Variants in GANC observed in about 807,000 individuals in gnomAD.
GANC encodes glucosidase alpha, neutral C.
A neutral mutation model predicts 124.2 loss-of-function variants in GANC; 117 were observed. The observed-to-expected ratio is 0.94, with a 90% CI of 0.81 to 1.10. The LOEUF (loss-of-function observed/expected upper bound fraction) is 1.10. Among genes scored for constraint, GANC ranks in the 50% least tolerant of loss-of-function variants. The pLI is 0.00. For synonymous variants in GANC, 377 were observed against 376.8 expected (o/e 1.00, Z -0.01); for missense variants, 1,140 against 1,095.0 (o/e 1.04, Z -0.58).
intron 15 of GANC, among the ~76,000 whole-genome samples, chr15:42,334,444 G>A (rs766711607): frequency 3.3e-5 from 5 of 152,142 alleles, no homozygotes; most frequent in Non-Finnish European, 5.9e-5. Context: ...TTACAGGCGT[G>A]AGCCACTGCA....
chr15:42,280,207 C>T (rs1307311043), intron 3 of GANC, among the ~76,000 whole-genome samples: 1 of 152,122 alleles, frequency 6.6e-6, no homozygotes, highest in African/African-American at 2.4e-5. Context: ...AAATCTAGTA[C>T]TGATTCTTAC....
At chr15:42,311,584 G>A (rs1436858773) in intron 10 of GANC, among the ~76,000 whole-genome samples, 3 of 152,128 alleles carry the variant, frequency 2.0e-5, no homozygotes, top group Non-Finnish European at 4.4e-5. Flanking sequence ...GGAGGCCTCA[G>A]GAAACTTAAC....
rs1053002216 is a variant in GANC at position 42,352,773 on chromosome 15, TG to T, written c.*635del. On this transcript the variant is annotated 3_prime_UTR_variant, in exon 24 of 24. Transcript: ENST00000318010. ...ATCTTAAAATCCATGTCTTTTACAT[TG>T]TTTTTTTAATTAAGTGCTGTTTACT... 5.2e-6 allele frequency: 5 copies of T among 964,844 alleles called. No homozygotes were observed. The highest frequency in any genetic ancestry group is 4.8e-5 in the South Asian group (1 of 20,836). 59.8% of individuals were successfully genotyped at this position (964,844 alleles called of 1,614,324 possible).
chr15:42,280,826 TTGCGGTGGACACCCACATA>T, intron 3 of GANC: 1 of 640,782 alleles, frequency 1.6e-6, no homozygotes, highest in South Asian at 1.8e-5. Context: ...TGATACCAGT[TTGCGGTGGACACCCACATA>T]TGCCATTTCA....
chr15:42,348,128 G>A lies in GANC; in HGVS notation c.2330G>A (p.Ser777Asn), dbSNP rs759777973. 5.9e-5 allele frequency: 95 copies of A among 1,611,860 alleles called. No homozygotes were observed. The South Asian group carries it at 1.0e-3, about 17-fold the overall frequency. The change falls in exon 21 of 24, where the codon AGT (serine) becomes AAT (asparagine). Residue 777 changes from serine (S) to asparagine (N), a missense_variant. Transcript: ENST00000318010. ...DTIPVFQRGGSVIPIKTTVGK... is the reference protein window; with the variant it reads ...DTIPVFQRGGNVIPIKTTVGK... ...ATTCCAGTGTTTCAGCGAGGTGGAA[G>A]TGTGATACCAATAAAGACAACTGTA...
chr15:42,277,343 C>A (rs147218627), intron 2 of GANC, among the ~76,000 whole-genome samples: 1,638 of 152,082 alleles, frequency 0.011, 31 homozygotes, highest in African/African-American at 0.038. Context: ...CCAGCCTGAC[C>A]AACATGCAGA....
Position 42,273,698 on chromosome 15 carries a change from G to A in GANC, c.-784G>A, listed in dbSNP as rs1472551391. 2 of 386,552 alleles carry A rather than the reference G, an allele frequency of 5.2e-6. No homozygotes were observed. Among genetic ancestry groups the A allele is most frequent in the Admixed American group, 3.7e-5 (1 of 27,148 alleles). The allele number at this position is 386,552 out of a possible 1,614,324, so 23.9% of individuals were successfully genotyped here. A position where few individuals can be genotyped will look rare whatever the true frequency, so the allele number is the denominator to read the frequency against. ...CCGTTAAAGGTTTTAGGACCAGGCAGGCACCCCGTGCAGGATTTGGCTCTC... is the reference window on the plus strand; with the variant it reads ...CCGTTAAAGGTTTTAGGACCAGGCAAGCACCCCGTGCAGGATTTGGCTCTC... On this transcript the variant is annotated 5_prime_UTR_variant, in exon 1 of 24. Coordinates refer to ENST00000318010, the MANE Select transcript of GANC (RefSeq NM_198141.3).
rs754655942 is a variant in GANC, at chr15:42,340,643, A to G, written c.2088-47A>G. 13 of 1,378,860 alleles carry G rather than the reference A, an allele frequency of 9.4e-6. No homozygotes were observed. The South Asian group carries it at 1.5e-4, about 16-fold the overall frequency. 85.4% of individuals were successfully genotyped at this position (1,378,860 alleles called of 1,614,324 possible). On this transcript the variant is annotated intron_variant, in intron 17 of 23. Transcript: ENST00000318010. Reference sequence around the variant, plus strand: ...CTAAAAATATAAGTGATTGATTGCAATAAGATGTCTATAATGTTAAAACAA... The same window carrying G: ...CTAAAAATATAAGTGATTGATTGCAGTAAGATGTCTATAATGTTAAAACAA...
chr15:42,288,139 A>G (rs2051809019), intron 4 of GANC, among the ~76,000 whole-genome samples: 1 of 152,170 alleles, frequency 6.6e-6, no homozygotes, highest in South Asian at 2.1e-4. Context: ...TATTAGCCAG[A>G]CTATGGGAGC....
In GANC at chr15:42,310,120, C is replaced by T. The variant is rs137931015; in HGVS notation, c.723-163C>T. Reference sequence around the variant, plus strand: ...CAAAGGAGTCAAGGGAAGAGGACCACGTTCACCTAAGTTGGGTCAGGAAAT... The same window carrying T: ...CAAAGGAGTCAAGGGAAGAGGACCATGTTCACCTAAGTTGGGTCAGGAAAT... On this transcript the variant is annotated intron_variant, in intron 8 of 23. Transcript: ENST00000318010. Among the ~76,000 whole-genome samples, 1,023 of 152,232 alleles carry T rather than the reference C, an allele frequency of 6.7e-3. 12 individuals carry two copies. The highest frequency in any genetic ancestry group is 0.011 in the Non-Finnish European group (758 of 68,014).
At chr15:42,309,217 A>G (rs1336821766) in intron 8 of GANC, among the ~76,000 whole-genome samples, 2 of 152,202 alleles carry the variant, frequency 1.3e-5, no homozygotes, top group Non-Finnish European at 2.9e-5. Context: ...TGGCAAGTCC[A>G]GCAGAAACTG....
intron 12 of GANC, among the ~76,000 whole-genome samples, chr15:42,327,090 G>A (rs991022799): frequency 6.6e-6 from 1 of 152,036 alleles, no homozygotes; most frequent in East Asian, 1.9e-4. Context: ...CCTTCCTTGG[G>A]CTATATTAGG....
intron 11 of GANC, among the ~76,000 whole-genome samples, chr15:42,325,649 A>G (rs1454348838): frequency 6.7e-6 from 1 of 150,314 alleles, no homozygotes; most frequent in Non-Finnish European, 1.5e-5. Flanking sequence ...TATGTATAGT[A>G]TGCAGCACTC....
Position 42,274,380 on chromosome 15 carries a change from T to C in GANC, c.-102T>C. The C allele has an allele frequency of 1.7e-6, 2 of 1,204,932 alleles. No individual in the cohort carries two copies. The highest frequency in any genetic ancestry group is 2.4e-6 in the Non-Finnish European group (2 of 837,928). The allele number at this position is 1,204,932 out of a possible 1,614,324, so 74.6% of individuals were successfully genotyped here. Reference sequence around the variant, plus strand: ...CCTTCCCAGAAACTTGACGATGAAGTACTGGTTGTAATTTTAGAAAGACAC... The same window carrying C: ...CCTTCCCAGAAACTTGACGATGAAGCACTGGTTGTAATTTTAGAAAGACAC... On this transcript the variant is annotated 5_prime_UTR_variant, in exon 1 of 24. Transcript: ENST00000318010.
At chr15:42,331,518 C>T (rs936962728) in intron 15 of GANC, among the ~76,000 whole-genome samples, 7 of 152,160 alleles carry the variant, frequency 4.6e-5, no homozygotes, top group African/African-American at 1.2e-4. Flanking sequence ...GCATAAGCAA[C>T]GGAGAGCTTA....
chr15:42,292,211 G>A (rs764176344), intron 4 of GANC, among the ~76,000 whole-genome samples: 1 of 152,084 alleles, frequency 6.6e-6, no homozygotes, highest in Non-Finnish European at 1.5e-5. Flanking sequence ...ATCTCACTGT[G>A]GAGAGATGGA....
chr15:42,286,012 T>TG (rs967355260), intron 3 of GANC, among the ~76,000 whole-genome samples: 5 of 150,132 alleles, frequency 3.3e-5, no homozygotes, highest in African/African-American at 1.2e-4. Flanking sequence ...AAAAATTAGT[T>TG]TTTTTTTTTT....
rs1289234716 is a variant in GANC at position 42,274,362 on chromosome 15, A to G, written c.-120A>G. 1 of 1,056,412 alleles carries G rather than the reference A, an allele frequency of 9.5e-7. No homozygotes were observed. The allele number at this position is 1,056,412 out of a possible 1,614,324, so 65.4% of individuals were successfully genotyped here. On this transcript the variant is annotated 5_prime_UTR_variant, in exon 1 of 24. Coordinates refer to ENST00000318010, the MANE Select transcript of GANC (RefSeq NM_198141.3). ...AGAATCTGGAGGGGACTCCCTTCCCAGAAACTTGACGATGAAGTACTGGTT... is the reference window on the plus strand; with the variant it reads ...AGAATCTGGAGGGGACTCCCTTCCCGGAAACTTGACGATGAAGTACTGGTT...
chr15:42,280,477 C>A (rs1051562429), intron 3 of GANC, among the ~76,000 whole-genome samples: 3 of 152,152 alleles, frequency 2.0e-5, no homozygotes, highest in African/African-American at 7.2e-5. Flanking sequence ...AGCCTGACAC[C>A]CGGCCAGACC....
Sources: gnomAD v4.1 joint callset for allele counts (sites outside exome capture counted in the v4.1 genomes callset) on GRCh38, gnomAD v4.1.1 for gene constraint, MANE v1.5 for transcripts, NCBI Gene and HGNC (gene_info 2026-07-23, HGNC 2026-07-21) for gene names.